The following ITPR2 variants were observed in gnomAD, a reference collection of about 807,000 sequenced individuals.
ITPR2 encodes inositol 1,4,5-trisphosphate-gated calcium channel ITPR2.
ITPR2 carries 207 observed loss-of-function variants against 317.1 expected under a neutral mutation model. That is an observed-to-expected ratio of 0.65 (90% CI 0.58 to 0.73). The LOEUF (loss-of-function observed/expected upper bound fraction) is 0.73, where lower values mean the gene tolerates loss of function less well. Ranked by LOEUF, ITPR2 falls within the 30% of genes least tolerant of loss-of-function variation. The probability of loss-of-function intolerance (pLI) is 0.00; values close to 1 mark genes in which losing one functional copy is unlikely to be tolerated. For missense variants in ITPR2, 2,613 were observed against 3,284.0 expected, an observed-to-expected ratio of 0.80 and a Z score of 4.99; for synonymous variants, 1,156 against 1,149.1, an observed-to-expected ratio of 1.01 and a Z score of -0.12.
intron 1 of ITPR2, among the ~76,000 whole-genome samples, chr12:26,792,086 T>C (rs1044216346): frequency 6.6e-6 from 1 of 152,176 alleles, no homozygotes; most frequent in Non-Finnish European, 1.5e-5. Flanking sequence ...ACTGAAGCTA[T>C]AAATCAGATG....
Position 26,599,264 on chromosome 12 carries a change from G to C in ITPR2, c.3883C>G (p.His1295Asp). Reference sequence around the variant, plus strand: ...TGTGTCTCAATGCAGTGCACAAAGTGTTGTACAACTCTCTCGCTAATTTCG... The same window carrying C: ...TGTGTCTCAATGCAGTGCACAAAGTCTTGTACAACTCTCTCGCTAATTTCG... ...CNEISERVVQHFVHCIETHGR... is the reference protein window; with the variant it reads ...CNEISERVVQDFVHCIETHGR... Residue 1295 changes from histidine to aspartate, a missense_variant, in exon 30 of 57, where the codon CAC becomes GAC. His to Asp is a moderately conservative substitution (Grantham distance 81, BLOSUM62 -1). Transcript: ENST00000381340. 6.2e-7 allele frequency: 1 copy of C among 1,613,934 alleles called. No individual in the cohort carries two copies. The highest frequency in any genetic ancestry group is 2.2e-5 in the East Asian group (1 of 44,878).
At chr12:26,345,953 A>C (rs1938294610) in intron 55 of ITPR2, among the ~76,000 whole-genome samples, 1 of 152,246 alleles carries the variant, frequency 6.6e-6, no homozygotes, top group South Asian at 2.1e-4. Context: ...TATGATTATT[A>C]GATTCCCAGG....
intron 2 of ITPR2, among the ~76,000 whole-genome samples, chr12:26,738,885 T>TATCAAAACTCAACCTGAAAGTA (rs1340487065): frequency 6.6e-6 from 1 of 152,220 alleles, no homozygotes; most frequent in Non-Finnish European, 1.5e-5. Context: ...AACATTTTCT[T>TATCAAAACTCAACCTGAAAGTA]ATCAAAACTC....
intron 10 of ITPR2, among the ~76,000 whole-genome samples, chr12:26,691,447 G>T (rs1948239043): frequency 6.6e-6 from 1 of 152,072 alleles, no homozygotes; most frequent in Non-Finnish European, 1.5e-5. Flanking sequence ...TTTAACCTCA[G>T]CTAGCTCTCC....
intron 37 of ITPR2, among the ~76,000 whole-genome samples, chr12:26,502,350 G>C (rs1201510695): frequency 6.6e-6 from 1 of 152,172 alleles, no homozygotes; most frequent in Non-Finnish European, 1.5e-5. Flanking sequence ...AAGCTGAGAG[G>C]AGGGTAAGTA....
chr12:26,556,373 A>C lies in ITPR2; in HGVS notation c.4824T>G (p.Asp1608Glu), dbSNP rs751579774. The C allele has an allele frequency of 1.1e-5, 18 of 1,609,466 alleles. No homozygotes were observed. The highest frequency in any genetic ancestry group is 1.4e-5 in the Non-Finnish European group (17 of 1,178,750). ...DYRNIIEKLQ[D>E]VVASLEHQFS... ...ACTGGTGCTCCAAGGAGGCCACTACATCCTAGGGAATGAAACACAAGAGAA... is the reference window on the plus strand; with the variant it reads ...ACTGGTGCTCCAAGGAGGCCACTACCTCCTAGGGAATGAAACACAAGAGAA... Residue 1608 changes from aspartate to glutamate, a missense_variant and splice_region_variant, in exon 36 of 57, where the codon GAT (aspartate) becomes GAG (glutamate). Asp to Glu is a conservative substitution (Grantham distance 45). This residue lies in a region of ITPR2 where 926 missense variants were observed against 1,072.8 expected (regional missense o/e 0.86). Coordinates refer to ENST00000381340, the MANE Select transcript of ITPR2 (RefSeq NM_002223.4).
At chr12:26,493,872 C>T (rs1464756161) in intron 39 of ITPR2, among the ~76,000 whole-genome samples, 3 of 152,128 alleles carry the variant, frequency 2.0e-5, no homozygotes, top group Non-Finnish European at 2.9e-5. Context: ...AAATAGTGGC[C>T]TAATCTCCTG....
chr12:26,661,289 T>TGGG (rs1180113264), intron 15 of ITPR2, among the ~76,000 whole-genome samples: 1 of 9,498 alleles, frequency 1.1e-4, no homozygotes, highest in Non-Finnish European at 2.0e-4. Context: ...GGGGGGGGGG[T>TGGG]GGGAGGGAAC....
At chr12:26,659,777 C>T (rs1947454485) in intron 15 of ITPR2, among the ~76,000 whole-genome samples, 1 of 152,092 alleles carries the variant, frequency 6.6e-6, no homozygotes, top group African/African-American at 2.4e-5. Flanking sequence ...AAAATGACTG[C>T]CTGATATTTC....
intron 10 of ITPR2, among the ~76,000 whole-genome samples, chr12:26,691,348 T>C (rs189714750): frequency 3.3e-5 from 5 of 152,190 alleles, no homozygotes; most frequent in South Asian, 4.2e-4. Context: ...GAAACACTAG[T>C]TCCCCACACC....
intron 18 of ITPR2, among the ~76,000 whole-genome samples, chr12:26,657,220 C>T (rs1947391892): frequency 6.6e-6 from 1 of 152,206 alleles, no homozygotes; most frequent in Non-Finnish European, 1.5e-5. Flanking sequence ...GCCTTCAGTA[C>T]TTCCGCTGCC....
rs149872667 is a variant in ITPR2, at chr12:26,694,188, G to A, written c.996+1418C>T. Among the ~76,000 whole-genome samples the A allele has an allele frequency of 1.5e-3, 224 of 152,260 alleles. 2 individuals are homozygous for A. In the Middle Eastern group the frequency reaches 0.037, roughly 25 times the overall value. On this transcript the variant is annotated intron_variant, in intron 10 of 56. Transcript: ENST00000381340. ...ATTTCACAGAATGTCATCAGACAAGGCCACTCTGTGACTGTGATGGATCAA... is the reference window on the plus strand; with the variant it reads ...ATTTCACAGAATGTCATCAGACAAGACCACTCTGTGACTGTGATGGATCAA...
chr12:26,538,987 C>A (rs1254987003), intron 37 of ITPR2, among the ~76,000 whole-genome samples: 1 of 152,144 alleles, frequency 6.6e-6, no homozygotes, highest in East Asian at 1.9e-4. Flanking sequence ...TCCAAGCAGA[C>A]ACAGACACAT....
At chr12:26,539,380 C>A (rs934320473) in intron 37 of ITPR2, among the ~76,000 whole-genome samples, 15 of 152,280 alleles carry the variant, frequency 9.9e-5, no homozygotes, top group African/African-American at 3.4e-4. Flanking sequence ...CCCATAAGTC[C>A]CAAATGCTGC....
At position 26,461,725 on chromosome 12, in the gene ITPR2, T is replaced by C. The variant is rs185655158; in HGVS notation, c.6342+13571A>G. Reference sequence around the variant, plus strand: ...ACACACACACACACACACATACATATAAAGTTACATATATGTGTATAGGGA... The same window carrying C: ...ACACACACACACACACACATACATACAAAGTTACATATATGTGTATAGGGA... On this transcript the variant is annotated intron_variant, in intron 45 of 56. Coordinates refer to ENST00000381340, the MANE Select transcript of ITPR2 (RefSeq NM_002223.4). Among the ~76,000 whole-genome samples, 137 of 148,074 alleles carry C rather than the reference T, an allele frequency of 9.3e-4. 2 individuals are homozygous for C. The highest frequency in any genetic ancestry group is 9.1e-3 in the Admixed American group (135 of 14,862).
At position 26,621,017 on chromosome 12, in the gene ITPR2, G is replaced by C. The variant is rs1946479732; in HGVS notation, c.3462+106C>G. The stretch of plus-strand genomic sequence containing the variant: ...TGAAAATTTTGTGCTCTGTTGCTCA[G>C]AACAGAATTTTTCTTTATGAACAAT... On this transcript the variant is annotated intron_variant, in intron 26 of 56. Transcript: ENST00000381340. 19 of 1,069,022 alleles carry C rather than the reference G, an allele frequency of 1.8e-5. No individual in the cohort carries two copies. In the South Asian group the frequency reaches 2.6e-4, roughly 15 times the overall value. 66.2% of individuals were successfully genotyped at this position (1,069,022 alleles called of 1,614,324 possible). A position where few individuals can be genotyped will look rare whatever the true frequency, so the allele number is the denominator to read the frequency against.
intron 37 of ITPR2, among the ~76,000 whole-genome samples, chr12:26,503,247 T>C (rs1221796772): frequency 7.4e-6 from 1 of 135,180 alleles, no homozygotes; most frequent in African/African-American, 2.7e-5. Flanking sequence ...AAAGACCTCA[T>C]TATTTTTCCC....
chr12:26,538,625 G>A (rs180897926), intron 37 of ITPR2, among the ~76,000 whole-genome samples: 1 of 151,604 alleles, frequency 6.6e-6, no homozygotes, highest in Admixed American at 6.6e-5. Flanking sequence ...CACCGAGGCT[G>A]GAATGCAGTG....
intron 2 of ITPR2, among the ~76,000 whole-genome samples, chr12:26,752,457 C>G (rs1346883549): frequency 6.6e-6 from 1 of 152,206 alleles, no homozygotes; most frequent in Non-Finnish European, 1.5e-5. Flanking sequence ...AAGATAGCCA[C>G]AAGAGTGACC....
Sources: allele counts gnomAD v4.1 joint callset (sites outside exome capture counted in the v4.1 genomes callset), GRCh38; gene constraint gnomAD v4.1.1; regional missense constraint gnomAD v4.1.1; transcripts MANE v1.5; gene names NCBI Gene and HGNC (gene_info 2026-07-23, HGNC 2026-07-21).